Variants in SFSWAP observed in about 807,000 individuals in gnomAD.
SFSWAP encodes splicing factor, suppressor of white-apricot homolog.
A neutral mutation model predicts 100.7 loss-of-function variants in SFSWAP; 17 were observed. That is an observed-to-expected ratio of 0.17 (90% CI 0.12 to 0.25). The LOEUF (loss-of-function observed/expected upper bound fraction) is 0.25, where lower values mean the gene tolerates loss of function less well. Among genes scored for constraint, SFSWAP ranks in the 10% least tolerant of loss-of-function variants. The pLI, the probability that SFSWAP is intolerant of heterozygous loss-of-function variation, is 1.00. For missense variants in SFSWAP, 1,005 were observed against 1,262.6 expected (o/e 0.80, Z 3.09); for synonymous variants, 504 against 510.1 (o/e 0.99, Z 0.16).
chr12:131,782,356 G>T (rs1884565866), intron 14 of SFSWAP, among the ~76,000 whole-genome samples: 1 of 152,182 alleles, frequency 6.6e-6, no homozygotes. Context: ...AGTTAGAAAT[G>T]GGAGGGGTGG....
intron 11 of SFSWAP, chr12:131,756,898 T>C: frequency 2.5e-6 from 1 of 407,710 alleles, no homozygotes; most frequent in African/African-American, 2.1e-5. Flanking sequence ...TACTGGACAT[T>C]TGTACAGAAA....
intron 1 of SFSWAP, 75 bp from the exon 2 acceptor site, chr12:131,713,996 A>G (rs1397360618): frequency 9.9e-7 from 1 of 1,014,270 alleles, no homozygotes; most frequent in Non-Finnish European, 1.5e-6. Flanking sequence ...ATATATATAC[A>G]TATATAAAAC....
chr12:131,778,345 G>A lies in SFSWAP; in HGVS notation c.2408+15G>A. 14 of 1,608,146 alleles carry A rather than the reference G, an allele frequency of 8.7e-6. No homozygotes were observed. Among genetic ancestry groups the A allele is most frequent in the Non-Finnish European group, 1.2e-5 (14 of 1,176,612 alleles). On this transcript the variant is annotated intron_variant, in intron 14 of 17. Transcript: ENST00000261674. The surrounding 1 kb of genome is among the most constrained non-coding windows in gnomAD (Gnocchi z 4.2). ...CGGCGGTCGAGGTGGGTGTGAAGGG[G>A]GCAGCACCTCTGGTACCCTCATGAC...
chr12:131,741,070 T>G (rs1880580831), intron 7 of SFSWAP, among the ~76,000 whole-genome samples: 1 of 148,824 alleles, frequency 6.7e-6, no homozygotes, highest in Admixed American at 6.8e-5. Flanking sequence ...CCTCCTGGGT[T>G]CAAGCAATTC....
intron 13 of SFSWAP, among the ~76,000 whole-genome samples, chr12:131,777,261 T>C (rs1884100038): frequency 6.6e-6 from 1 of 152,212 alleles, no homozygotes; most frequent in African/African-American, 2.4e-5. Context: ...CATTTAACGT[T>C]AGGTATATCT....
intron 14 of SFSWAP, among the ~76,000 whole-genome samples, chr12:131,781,399 G>A (rs1022821558): frequency 1.3e-5 from 2 of 151,552 alleles, no homozygotes; most frequent in South Asian, 2.1e-4. Flanking sequence ...CACCTCGCCC[G>A]GCTAATTTTT....
At chr12:131,786,366 C>T (rs1884887708) in intron 14 of SFSWAP, 97 bp from the exon 15 acceptor site, 1 of 1,434,648 alleles carries the variant, frequency 7.0e-7, no homozygotes, top group East Asian at 2.5e-5. Context: ...GGAGCAGCCT[C>T]TGCAGACGGG....
chr12:131,756,737 G>A lies in SFSWAP; in HGVS notation c.1720+93G>A. 3 of 1,183,576 alleles carry A rather than the reference G, an allele frequency of 2.5e-6. 1 individual carries two copies. The highest frequency in any genetic ancestry group is 3.5e-6 in the Non-Finnish European group (3 of 862,816). The allele number at this position is 1,183,576 out of a possible 1,614,324, so 73.3% of individuals were successfully genotyped here. On this transcript the variant is annotated intron_variant, in intron 11 of 17. Coordinates refer to ENST00000261674, the MANE Select transcript of SFSWAP (RefSeq NM_004592.4). ...GACCTCAGACTCAGCGCCCTCACCT[G>A]CAGGCTGGGGTGGGGTTGGCGGCCC...
rs918093154 is a variant in SFSWAP at position 131,728,149 on chromosome 12, T to C, written c.946-144T>C. The C allele has an allele frequency of 1.4e-5, 12 of 864,502 alleles. No homozygotes were observed. The African/African-American group carries it at 1.8e-4, about 13-fold the overall frequency. The allele number at this position is 864,502 out of a possible 1,614,324, so 53.6% of individuals were successfully genotyped here. A position where few individuals can be genotyped will look rare whatever the true frequency, so the allele number is the denominator to read the frequency against. On this transcript the variant is annotated intron_variant, in intron 6 of 17. Transcript: ENST00000261674. ...GCCAGCTGGGGCATTTGGCCACAAC[T>C]CGTTAGGACCTCCATGGGTGCGTGC... is the stretch of plus-strand genomic sequence containing the variant.
At chr12:131,753,615 C>CAGATCTCCAGCATCTGTTCTTGCGCTT in intron 8 of SFSWAP, 1 of 530,814 alleles carries the variant, frequency 1.9e-6, no homozygotes, top group South Asian at 3.1e-5. Flanking sequence ...ACGCTGGCCC[C>CAGATCTCCAGCATCTGTTCTTGCGCTT]AGATCTCCAG....
At chr12:131,732,415 A>G (rs747475084) in intron 7 of SFSWAP, among the ~76,000 whole-genome samples, 1 of 152,144 alleles carries the variant, frequency 6.6e-6, no homozygotes, top group African/African-American at 2.4e-5. Context: ...ACCTAAACTC[A>G]TGGGCTCTGT....
chr12:131,727,716 C>T (rs542486016), intron 6 of SFSWAP, among the ~76,000 whole-genome samples: 1 of 152,264 alleles, frequency 6.6e-6, no homozygotes, highest in East Asian at 1.9e-4. Context: ...TATGCATCTT[C>T]GAGTCCTATG....
rs34705844 is a variant in SFSWAP at position 131,794,164 on chromosome 12, A to G, written c.2535-3014A>G. 0.18 allele frequency among the ~76,000 whole-genome samples: 26,925 copies of G among 152,144 alleles called. 3,132 individuals carry two copies. Among genetic ancestry groups the G allele is most frequent in the Non-Finnish European group, 0.26 (17,339 of 67,974 alleles). The stretch of plus-strand genomic sequence containing the variant: ...TGGTAGCGTCCTGTCCTGTAATACT[A>G]TTCATCGGTAAAAGGAACAAATTGA... On this transcript the variant is annotated intron_variant, in intron 15 of 17. Coordinates refer to ENST00000261674, the MANE Select transcript of SFSWAP (RefSeq NM_004592.4). The surrounding 1 kb of genome is among the most constrained non-coding windows in gnomAD (Gnocchi z 4.8).
intron 9 of SFSWAP, among the ~76,000 whole-genome samples, chr12:131,754,772 T>G (rs528407170): frequency 8.6e-5 from 13 of 151,468 alleles, no homozygotes; most frequent in Non-Finnish European, 1.5e-4. Context: ...TAGCTGGGAC[T>G]ACAGGCGCGC....
At chr12:131,774,771 G>A (rs778489261) in intron 13 of SFSWAP, among the ~76,000 whole-genome samples, 3 of 152,164 alleles carry the variant, frequency 2.0e-5, no homozygotes, top group South Asian at 2.1e-4. Context: ...AAGGATGATC[G>A]TGTTGTTGGA....
intron 11 of SFSWAP, among the ~76,000 whole-genome samples, chr12:131,758,977 C>T (rs1882420070): frequency 6.6e-6 from 1 of 152,246 alleles, no homozygotes; most frequent in Non-Finnish European, 1.5e-5. Context: ...CTCCCAGCTA[C>T]TTGGGAGGCT....
At chr12:131,726,457 G>A (rs1360643099) in intron 5 of SFSWAP, among the ~76,000 whole-genome samples, 3 of 152,180 alleles carry the variant, frequency 2.0e-5, no homozygotes, top group Admixed American at 6.5e-5. Flanking sequence ...TGATCCACCC[G>A]CCTCGGCCTC....
intron 13 of SFSWAP, among the ~76,000 whole-genome samples, chr12:131,767,017 C>T (rs1379591767): frequency 2.1e-3 from 284 of 136,958 alleles, no homozygotes; most frequent in Admixed American, 0.018. Flanking sequence ...TGCTCCCATG[C>T]GTGTCCGAGA....
chr12:131,741,623 G>A (rs1880639702), intron 7 of SFSWAP, among the ~76,000 whole-genome samples: 1 of 147,240 alleles, frequency 6.8e-6, no homozygotes, highest in Non-Finnish European at 1.5e-5. Flanking sequence ...TCCAGCCTGG[G>A]CAACACAGCG....
Sources: gnomAD v4.1 joint callset for allele counts (sites outside exome capture counted in the v4.1 genomes callset) on GRCh38, gnomAD v4.1.1 for gene constraint, Gnocchi (gnomAD v3.1) non-coding constraint, MANE v1.5 for transcripts, NCBI Gene and HGNC (gene_info 2026-07-23, HGNC 2026-07-21) for gene names.